Variants in GAS7 observed in about 807,000 individuals in gnomAD.
The protein encoded by GAS7 is growth arrest-specific protein 7.
A neutral mutation model predicts 71.1 loss-of-function variants in GAS7; 28 were observed. That is an observed-to-expected ratio of 0.39 (90% CI 0.29 to 0.54). The LOEUF (loss-of-function observed/expected upper bound fraction) is 0.54, where lower values mean the gene tolerates loss of function less well. GAS7 is among the 20% of genes least tolerant of loss of function. The probability of loss-of-function intolerance (pLI) is 0.62; values close to 1 mark genes in which losing one functional copy is unlikely to be tolerated. For missense variants in GAS7, 436 were observed against 627.8 expected (o/e 0.69, Z 3.27); for synonymous variants, 258 against 245.8 (o/e 1.05, Z -0.46).
At chr17:10,009,686 A>G (rs1391266915) in intron 2 of GAS7, among the ~76,000 whole-genome samples, 1 of 151,404 alleles carries the variant, frequency 6.6e-6, no homozygotes, top group Non-Finnish European at 1.5e-5. Context: ...AAAAAAAAAA[A>G]AAACCAAACA....
At chr17:10,033,036 A>T (rs972081324) in intron 1 of GAS7, among the ~76,000 whole-genome samples, 1 of 152,184 alleles carries the variant, frequency 6.6e-6, no homozygotes, top group African/African-American at 2.4e-5. Context: ...ATTAATGCTG[A>T]AACGTCCCTA....
Position 9,943,254 on chromosome 17 carries a change from G to A in GAS7, c.616-18C>T. On this transcript the variant is annotated intron_variant, in intron 6 of 13. Coordinates refer to ENST00000432992, the MANE Select transcript of GAS7 (RefSeq NM_201433.2). ...TTATCAGCCTACAAAGGAAGCAGAA[G>A]CACAAGAGTTTAGGGCACGTCTGAG... The A allele has an allele frequency of 1.4e-6, 2 of 1,439,528 alleles. No homozygotes were observed. Among genetic ancestry groups the A allele is most frequent in the South Asian group, 1.1e-5 (1 of 87,702 alleles). The allele number at this position is 1,439,528 out of a possible 1,614,324, so 89.2% of individuals were successfully genotyped here.
intron 4 of GAS7, among the ~76,000 whole-genome samples, chr17:9,965,243 T>G (rs1175447063): frequency 6.6e-6 from 1 of 152,094 alleles, no homozygotes; most frequent in Non-Finnish European, 1.5e-5. Context: ...CTACACTATT[T>G]ACAACAGCAA....
chr17:10,020,683 G>A (rs929826000), intron 1 of GAS7, among the ~76,000 whole-genome samples: 4 of 152,020 alleles, frequency 2.6e-5, no homozygotes, highest in African/African-American at 7.2e-5. Context: ...AGGCCGAGGC[G>A]GGCGGATTGC....
rs577788042 is a variant in GAS7, at chr17:9,928,764, G to C, written c.886-1995C>G. ...ACACGGGGCTGGGAGCTCCAAGCGG[G>C]CAGGGGCCCCATCTGGGTTGAGCAC... is the stretch of plus-strand genomic sequence containing the variant. On this transcript the variant is annotated intron_variant, in intron 9 of 13. Coordinates refer to ENST00000432992, the MANE Select transcript of GAS7 (RefSeq NM_201433.2). 2.6e-5 allele frequency among the ~76,000 whole-genome samples: 4 copies of C among 152,338 alleles called. No individual in the cohort carries two copies. The East Asian group carries it at 7.7e-4, about 29-fold the overall frequency.
rs866143396 is a variant in GAS7, at chr17:9,926,926, C to T, written c.886-157G>A. On this transcript the variant is annotated intron_variant, in intron 9 of 13. Coordinates refer to ENST00000432992, the MANE Select transcript of GAS7 (RefSeq NM_201433.2). The surrounding 1 kb of genome is among the most constrained non-coding windows in gnomAD (Gnocchi z 5.0). ...GGAAGGTGAGAGACACCCCCTGACA[C>T]GTGGCTGCCTATCAGGTCTCAGCTT... 36 of 703,316 alleles carry T rather than the reference C, an allele frequency of 5.1e-5. 1 individual carries two copies. The highest frequency in any genetic ancestry group is 3.4e-4 in the Middle Eastern group (1 of 2,934). The allele number at this position is 703,316 out of a possible 1,614,324, so 43.6% of individuals were successfully genotyped here. A position where few individuals can be genotyped will look rare whatever the true frequency, so the allele number is the denominator to read the frequency against.
chr17:9,996,576 A>G (rs1399306254), intron 2 of GAS7, among the ~76,000 whole-genome samples: 1 of 148,318 alleles, frequency 6.7e-6, no homozygotes, highest in Non-Finnish European at 1.5e-5. Flanking sequence ...TAAAAAAAAA[A>G]AAAAGACTAT....
intron 1 of GAS7, among the ~76,000 whole-genome samples, chr17:10,181,940 C>T (rs1597840037): frequency 1.3e-5 from 2 of 152,162 alleles, no homozygotes; most frequent in Non-Finnish European, 2.9e-5. Flanking sequence ...GACACTCCCA[C>T]CAGCGCCAGG....
rs367849745 is a variant in GAS7, at chr17:10,181,178, A to G, written c.183+17030T>C. On this transcript the variant is annotated intron_variant, in intron 1 of 13. Coordinates refer to ENST00000432992, the MANE Select transcript of GAS7 (RefSeq NM_201433.2). ...AGATCGAGACCATCCTGGCTAACAC[A>G]GTGAAACCCTGTCTCTACTACAGTA... 2.0e-3 allele frequency among the ~76,000 whole-genome samples: 288 copies of G among 147,404 alleles called. 2 individuals carry two copies. The highest frequency in any genetic ancestry group is 4.9e-3 in the African/African-American group (196 of 40,146).
At chr17:9,988,158 C>A (rs9907352) in intron 2 of GAS7, among the ~76,000 whole-genome samples, 31,914 of 152,180 alleles carry the variant, frequency 0.21, 3,562 homozygotes, top group Middle Eastern at 0.31. Flanking sequence ...TCCCCCACCA[C>A]CAAATTTTCT....
intron 1 of GAS7, among the ~76,000 whole-genome samples, chr17:10,141,371 C>T (rs2074079636): frequency 6.6e-6 from 1 of 152,082 alleles, no homozygotes; most frequent in Non-Finnish European, 1.5e-5. Context: ...TGGTGTGAAC[C>T]CGGGAGACGG....
At chr17:10,032,984 G>A (rs1479392981) in intron 1 of GAS7, among the ~76,000 whole-genome samples, 1 of 152,140 alleles carries the variant, frequency 6.6e-6, no homozygotes, top group African/African-American at 2.4e-5. Flanking sequence ...CTGAACAGTT[G>A]GGGATTCTCT....
chr17:10,031,316 C>T (rs565986488), intron 1 of GAS7, among the ~76,000 whole-genome samples: 1 of 152,342 alleles, frequency 6.6e-6, no homozygotes, highest in South Asian at 2.1e-4. Flanking sequence ...TCTGGTTAAC[C>T]AGGAATTTTG....
intron 1 of GAS7, among the ~76,000 whole-genome samples, chr17:10,158,258 C>G (rs976198167): frequency 7.3e-5 from 11 of 151,628 alleles, no homozygotes; most frequent in African/African-American, 2.7e-4. Flanking sequence ...TGTGATCCAC[C>G]CACCTCGGCC....
At chr17:9,992,914 T>C (rs9897501) in intron 2 of GAS7, among the ~76,000 whole-genome samples, 503 of 152,002 alleles carry the variant, frequency 3.3e-3, no homozygotes, top group African/African-American at 0.012. Context: ...TTCATCCATG[T>C]CCCTACAAAG....
At chr17:9,930,122 A>T (rs761591289) in intron 9 of GAS7, among the ~76,000 whole-genome samples, 1 of 152,242 alleles carries the variant, frequency 6.6e-6, no homozygotes, top group African/African-American at 2.4e-5. Flanking sequence ...TTTTGGTGAG[A>T]ACAGACCAGA....
In GAS7 at chr17:10,019,804, G is replaced by T. The variant is rs774584393; in HGVS notation, c.277C>A (p.Arg93=). Reference sequence around the variant, plus strand: ...TTGGTGGTCGTGTTGACATAGTACCGCCGGCCCTGAGGCGACAGGTAGCTC... The same window carrying T: ...TTGGTGGTCGTGTTGACATAGTACCTCCGGCCCTGAGGCGACAGGTAGCTC... ...WQSYLSPQGR[R]YYVNTTTNET... Residue 93 remains arginine (R), a synonymous_variant, in exon 2 of 14, where the codon CGG becomes AGG. Coordinates refer to ENST00000432992, the MANE Select transcript of GAS7 (RefSeq NM_201433.2). 6.2e-7 allele frequency: 1 copy of T among 1,613,906 alleles called. No individual in the cohort carries two copies. The highest frequency in any genetic ancestry group is 8.5e-7 in the Non-Finnish European group (1 of 1,179,882).
chr17:9,913,347 T>C lies in GAS7; in HGVS notation c.*3881A>G. 1 of 232,772 alleles carries C rather than the reference T, an allele frequency of 4.3e-6. No homozygotes were observed. The highest frequency in any genetic ancestry group is 6.1e-5 in the East Asian group (1 of 16,470). The allele number at this position is 232,772 out of a possible 1,614,324, so 14.4% of individuals were successfully genotyped here. A position where few individuals can be genotyped will look rare whatever the true frequency, so the allele number is the denominator to read the frequency against. ...CAAGGAATGCATCTTGAGCCTTCTG[T>C]TTAAACACTCCTTGTCAAGACTACC... On this transcript the variant is annotated 3_prime_UTR_variant, in exon 14 of 14. Coordinates refer to ENST00000432992, the MANE Select transcript of GAS7 (RefSeq NM_201433.2).
intron 1 of GAS7, among the ~76,000 whole-genome samples, chr17:10,136,206 C>A (rs774463388): frequency 3.6e-4 from 55 of 152,210 alleles, no homozygotes; most frequent in Non-Finnish European, 7.1e-4. Flanking sequence ...TCTGAACAAG[C>A]CTCCCCAGAT....
Sources: gnomAD v4.1 joint callset for allele counts (sites outside exome capture counted in the v4.1 genomes callset) on GRCh38, gnomAD v4.1.1 for gene constraint, Gnocchi (gnomAD v3.1) non-coding constraint, MANE v1.5 for transcripts, NCBI Gene and HGNC (gene_info 2026-07-23, HGNC 2026-07-21) for gene names.